Variants in ULK4 observed in about 807,000 individuals in gnomAD.
ULK4 encodes the protein inactive serine/threonine-protein kinase ULK4.
A neutral mutation model predicts 160.6 loss-of-function variants in ULK4; 133 were observed. The ratio of observed to expected loss-of-function variants is 0.83; its 90% confidence interval spans 0.72 to 0.96. ULK4 has a LOEUF of 0.96. ULK4 is among the 40% of genes least tolerant of loss of function. The pLI, the probability that ULK4 is intolerant of heterozygous loss-of-function variation, is 0.00. For synonymous variants in ULK4, 534 were observed against 539.8 expected (o/e 0.99, Z 0.15); for missense variants, 1,580 against 1,499.5 (o/e 1.05, Z -0.89).
intron 33 of ULK4, among the ~76,000 whole-genome samples, chr3:41,459,370 T>G (rs2083631389): frequency 6.6e-6 from 1 of 152,140 alleles, no homozygotes; most frequent in African/African-American, 2.4e-5. Context: ...CCCAGCCCAG[T>G]TCCTGTCGTT....
chr3:41,558,019 A>C (rs1054809484), intron 32 of ULK4, among the ~76,000 whole-genome samples: 2 of 152,146 alleles, frequency 1.3e-5, no homozygotes, highest in African/African-American at 4.8e-5. Flanking sequence ...TCTTGTGGAA[A>C]TATAAATTGG....
Position 41,710,376 on chromosome 3 carries a change from G to A in ULK4, c.2634+4861C>T, listed in dbSNP as rs963531175. Among the ~76,000 whole-genome samples, 12 of 152,256 alleles carry A rather than the reference G, an allele frequency of 7.9e-5. No individual in the cohort carries two copies. In the South Asian group the frequency reaches 8.3e-4, roughly 11 times the overall value. On this transcript the variant is annotated intron_variant, in intron 25 of 36. Coordinates refer to ENST00000301831, the MANE Select transcript of ULK4 (RefSeq NM_017886.4). ...AAGGAGAAAGGAACATATAGTCATT[G>A]GCTGATGTGAATTTTAAGAGAGACC...
intron 34 of ULK4, among the ~76,000 whole-genome samples, chr3:41,399,539 T>A (rs1375893309): frequency 1.3e-5 from 2 of 152,178 alleles, no homozygotes; most frequent in Non-Finnish European, 2.9e-5. Context: ...GGTATATGTA[T>A]GATTTCAGTG....
chr3:41,364,999 A>C (rs1049655627), intron 35 of ULK4, among the ~76,000 whole-genome samples: 1 of 152,224 alleles, frequency 6.6e-6, no homozygotes, highest in Non-Finnish European at 1.5e-5. Context: ...ATAGGCTCCC[A>C]AGTAATGATT....
chr3:41,256,436 C>T (rs1475069066), intron 35 of ULK4, among the ~76,000 whole-genome samples: 2 of 152,154 alleles, frequency 1.3e-5, no homozygotes, highest in South Asian at 2.1e-4. Context: ...AACAGAACTA[C>T]ACAAATTATT....
chr3:41,522,477 T>C (rs2085966980), intron 32 of ULK4, among the ~76,000 whole-genome samples: 2 of 152,138 alleles, frequency 1.3e-5, no homozygotes, highest in Non-Finnish European at 2.9e-5. Flanking sequence ...AAAACACCTT[T>C]TCTGATAATT....
intron 27 of ULK4, among the ~76,000 whole-genome samples, chr3:41,691,840 C>A (rs968115592): frequency 1.3e-5 from 2 of 150,970 alleles, no homozygotes; most frequent in Non-Finnish European, 2.9e-5. Context: ...AAATTGTACG[C>A]TTTAATGACA....
intron 35 of ULK4, among the ~76,000 whole-genome samples, chr3:41,385,500 C>T (rs1036929116): frequency 6.6e-6 from 1 of 152,094 alleles, no homozygotes; most frequent in African/African-American, 2.4e-5. Context: ...GGGAAGGCAA[C>T]TAGCCTGGGC....
At chr3:41,803,044 A>G (rs2040513945) in intron 19 of ULK4, among the ~76,000 whole-genome samples, 1 of 152,078 alleles carries the variant, frequency 6.6e-6, no homozygotes, top group South Asian at 2.1e-4. Context: ...ACGTGCTTAT[A>G]ATCCTAGCTA....
At chr3:41,484,420 C>A (rs2084434562) in intron 32 of ULK4, among the ~76,000 whole-genome samples, 1 of 151,686 alleles carries the variant, frequency 6.6e-6, no homozygotes, top group Admixed American at 6.6e-5. Context: ...CTGGTCTCAG[C>A]ACTACCACAC....
intron 35 of ULK4, among the ~76,000 whole-genome samples, chr3:41,337,595 A>G (rs1471963629): frequency 6.6e-6 from 1 of 152,148 alleles, no homozygotes; most frequent in Non-Finnish European, 1.5e-5. Context: ...GCACATATAT[A>G]TAGAATTCTA....
intron 31 of ULK4, among the ~76,000 whole-genome samples, chr3:41,599,948 C>A (rs2031957021): frequency 6.6e-6 from 1 of 152,154 alleles, no homozygotes; most frequent in Non-Finnish European, 1.5e-5. Context: ...CTGAATATTG[C>A]TTAATATCTA....
chr3:41,339,580 C>T (rs1289190458), intron 35 of ULK4, among the ~76,000 whole-genome samples: 1 of 152,150 alleles, frequency 6.6e-6, no homozygotes, highest in African/African-American at 2.4e-5. Context: ...CCCAAATCCT[C>T]ATCTCAAAGT....
intron 35 of ULK4, among the ~76,000 whole-genome samples, chr3:41,336,797 G>A (rs1246229079): frequency 6.6e-6 from 1 of 152,116 alleles, no homozygotes; most frequent in East Asian, 1.9e-4. Flanking sequence ...ATCAACGCTC[G>A]CTGTGTATCT....
At chr3:41,718,851 C>T (rs932042013) in intron 22 of ULK4, among the ~76,000 whole-genome samples, 6 of 152,166 alleles carry the variant, frequency 3.9e-5, no homozygotes, top group Admixed American at 2.0e-4. Context: ...CTTATGCATG[C>T]ATTTGCGTTT....
Position 41,612,203 on chromosome 3 carries a change from C to T in ULK4, c.3120+3466G>A, listed in dbSNP as rs186750035. Among the ~76,000 whole-genome samples the T allele has an allele frequency of 2.2e-3, 339 of 152,242 alleles. 4 individuals are homozygous for T. The highest frequency in any genetic ancestry group is 7.9e-3 in the African/African-American group (328 of 41,540). ...AGGGTGGTTTCTAGAATCAATCCCA[C>T]GAGGATACTAGAGCCAAGTATACTT... On this transcript the variant is annotated intron_variant, in intron 31 of 36. Transcript: ENST00000301831.
intron 32 of ULK4, among the ~76,000 whole-genome samples, chr3:41,537,841 AAACAGAG>A (rs1430534199): frequency 6.6e-6 from 1 of 152,138 alleles, no homozygotes; most frequent in Non-Finnish European, 1.5e-5. Flanking sequence ...TATTTCCACA[AAACAGAG>A]TTAGCCTATC....
intron 31 of ULK4, 22 bp downstream of exon 31, chr3:41,615,647 A>C (rs1428974313): frequency 9.9e-6 from 16 of 1,610,216 alleles, no homozygotes; most frequent in Non-Finnish European, 1.4e-5. Flanking sequence ...TTTGAATTTC[A>C]AATGCACATT....
At chr3:41,594,212 T>C (rs74996373) in intron 31 of ULK4, among the ~76,000 whole-genome samples, 3,214 of 152,238 alleles carry the variant, frequency 0.021, 111 homozygotes, top group African/African-American at 0.074. Flanking sequence ...AAAATATGCA[T>C]AGTTGCTTAC....
Sources: allele counts gnomAD v4.1 joint callset (sites outside exome capture counted in the v4.1 genomes callset), GRCh38; gene constraint gnomAD v4.1.1; transcripts MANE v1.5; gene names NCBI Gene and HGNC (gene_info 2026-07-23, HGNC 2026-07-21).